Variants in DNAH3 observed in about 807,000 individuals in gnomAD.
The protein encoded by DNAH3 is axonemal beta dynein heavy chain 3.
In DNAH3, 332 loss-of-function variants were observed where a neutral mutation model predicts 432.5. The observed-to-expected ratio is 0.77, with a 90% CI of 0.70 to 0.84. The LOEUF (loss-of-function observed/expected upper bound fraction) is 0.84, where lower values mean the gene tolerates loss of function less well. Ranked by LOEUF, DNAH3 falls within the 40% of genes least tolerant of loss-of-function variation. DNAH3 has a pLI of 0.00. For missense variants in DNAH3, 4,861 were observed against 5,114.0 expected, an observed-to-expected ratio of 0.95 and a Z score of 1.51; for synonymous variants, 1,956 against 1,900.2, an observed-to-expected ratio of 1.03 and a Z score of -0.76.
chr16:21,104,810 C>T (rs1218484444), intron 15 of DNAH3, among the ~76,000 whole-genome samples: 2 of 152,166 alleles, frequency 1.3e-5, no homozygotes, highest in Non-Finnish European at 2.9e-5. Flanking sequence ...ATGGCAAACA[C>T]AGCCATTGAG....
chr16:21,125,394 T>G (rs757508280), intron 8 of DNAH3, 24 bp from the exon 10 acceptor site: 1 of 1,548,064 alleles, frequency 6.5e-7, no homozygotes, highest in East Asian at 2.3e-5. Context: ...AGGGTGTCCA[T>G]GTGAGAAGCT....
intron 3 of DNAH3, among the ~76,000 whole-genome samples, chr16:21,144,789 CA>C (rs1167764778): frequency 2.0e-5 from 3 of 152,014 alleles, no homozygotes; most frequent in Non-Finnish European, 4.4e-5. Context: ...TTAGCTTCAG[CA>C]AAAGGGGAGC....
rs111844089 is a variant in DNAH3, at chr16:20,988,609, G to A, written c.6602-544C>T. Among the ~76,000 whole-genome samples the A allele has an allele frequency of 2.0e-3, 310 of 152,266 alleles. 2 individuals are homozygous for A. Among genetic ancestry groups the A allele is most frequent in the African/African-American group, 6.8e-3 (281 of 41,564 alleles). On this transcript the variant is annotated intron_variant, in intron 44 of 61. Coordinates refer to ENST00000261383, the Ensembl canonical transcript of DNAH3. Reference sequence around the variant, plus strand: ...CATGAGACACCGCGCCCAGCCTCAAGAATGTTTTTAAAAGATAAAGGCAAT... The same window carrying A: ...CATGAGACACCGCGCCCAGCCTCAAAAATGTTTTTAAAAGATAAAGGCAAT...
chr16:21,031,388 T>G (rs559811390), intron 36 of DNAH3, 102 bp from the exon 37 acceptor site: 1 of 1,434,696 alleles, frequency 7.0e-7, no homozygotes, highest in South Asian at 1.3e-5. Context: ...TTTATAAATA[T>G]GCCATATGAG....
intron 18 of DNAH3, 98 bp downstream of exon 18, chr16:21,097,257 C>T: frequency 7.1e-7 from 1 of 1,408,686 alleles, no homozygotes; most frequent in Admixed American, 1.9e-5. Flanking sequence ...GATTAAAAGT[C>T]CAGCCAGATT....
intron 44 of DNAH3, among the ~76,000 whole-genome samples, chr16:20,988,437 T>C (rs115278485): frequency 0.014 from 2,059 of 152,204 alleles, 36 homozygotes; most frequent in African/African-American, 0.047. Context: ...CTTTTTGAGA[T>C]GGAGTTCCCC....
Position 21,039,952 on chromosome 16 carries a change from G to C in DNAH3, c.4639-9C>G, listed in dbSNP as rs750672561. 1.9e-6 allele frequency: 3 copies of C among 1,610,286 alleles called. No homozygotes were observed. The highest frequency in any genetic ancestry group is 2.2e-5 in the East Asian group (1 of 44,870). On this transcript the variant is annotated splice_polypyrimidine_tract_variant and intron_variant, in intron 32 of 61. Transcript: ENST00000261383. Reference sequence around the variant, plus strand: ...ACTGTCCGGAACAAGGCCTGGAAAAGAAACAACAAATCAGAATCGGAACAC... The same window carrying C: ...ACTGTCCGGAACAAGGCCTGGAAAACAAACAACAAATCAGAATCGGAACAC...
intron 47 of DNAH3, 47 bp downstream of exon 47, chr16:20,987,258 C>T (rs1381202875): frequency 1.2e-6 from 2 of 1,605,930 alleles, no homozygotes; most frequent in Non-Finnish European, 1.7e-6. Flanking sequence ...CGTGGTTAAA[C>T]ACTTGGAACC....
chr16:21,121,761 G>A (rs1348748446), intron 10 of DNAH3, among the ~76,000 whole-genome samples, 184 bp downstream of exon 11: 7 of 152,072 alleles, frequency 4.6e-5, no homozygotes, highest in Non-Finnish European at 8.8e-5. Flanking sequence ...TCTGGGCTGC[G>A]TGAATATTTC....
chr16:21,086,440 C>T lies in DNAH3; in HGVS notation c.2877+409G>A, dbSNP rs977858402. ...GAATCATCTGGTATTATTAGCAACC[C>T]CCAGGGAGAGATGTGACTTTCTTTT... On this transcript the variant is annotated intron_variant, in intron 19 of 61. Transcript: ENST00000261383. Among the ~76,000 whole-genome samples the T allele has an allele frequency of 4.6e-5, 7 of 152,168 alleles. No individual in the cohort carries two copies. In the South Asian group the frequency reaches 8.3e-4, roughly 18 times the overall value.
intron 57 of DNAH3, 59 bp from the exon 58 acceptor site, chr16:20,944,722 C>A (rs2083967213): frequency 1.3e-6 from 2 of 1,560,568 alleles, no homozygotes; most frequent in Admixed American, 3.5e-5. Flanking sequence ...ACAGATGACT[C>A]CAGGCTTAGC....
At chr16:20,939,650 A>C (rs762387014) in intron 59 of DNAH3, among the ~76,000 whole-genome samples, 7 of 151,392 alleles carry the variant, frequency 4.6e-5, no homozygotes, top group Non-Finnish European at 1.0e-4. Flanking sequence ...AAATTCAGGA[A>C]GCCTAACAAC....
chr16:21,076,460 A>G (rs1178807961), intron 20 of DNAH3, among the ~76,000 whole-genome samples: 3 of 152,204 alleles, frequency 2.0e-5, no homozygotes, highest in Non-Finnish European at 4.4e-5. Context: ...AGCCTGTTCA[A>G]CAAAAATTAT....
intron 11 of DNAH3, among the ~76,000 whole-genome samples, chr16:21,118,619 T>C (rs560660836): frequency 6.9e-4 from 105 of 152,298 alleles, no homozygotes; most frequent in African/African-American, 2.4e-3. Context: ...ATTTATATTT[T>C]TGTACAGACA....
chr16:21,089,346 C>G (rs1227005159), intron 18 of DNAH3, among the ~76,000 whole-genome samples: 1 of 152,186 alleles, frequency 6.6e-6, no homozygotes, highest in African/African-American at 2.4e-5. Context: ...CCTGCCAAAG[C>G]TGACTTTTAA....
chr16:20,960,225 T>C (rs983030639), intron 53 of DNAH3, among the ~76,000 whole-genome samples: 2 of 152,208 alleles, frequency 1.3e-5, no homozygotes, highest in Admixed American at 6.6e-5. Context: ...CATGGATACA[T>C]AGTATATCAC....
At chr16:21,068,330 G>A (rs561773767) in intron 23 of DNAH3, among the ~76,000 whole-genome samples, 7 of 135,390 alleles carry the variant, frequency 5.2e-5, no homozygotes, top group Admixed American at 7.6e-5. Flanking sequence ...TTGGGTGGGG[G>A]GGGGGACAGA....
chr16:21,106,618 G>C (rs1387149554), exon 15 of DNAH3: 13 of 1,609,118 alleles, frequency 8.1e-6, no homozygotes, highest in South Asian at 4.4e-5. Context: ...CAGCTCCTTA[G>C]TGTTGGCAGG....
intron 44 of DNAH3, among the ~76,000 whole-genome samples, chr16:20,988,613 G>A (rs1356830539): frequency 6.6e-6 from 1 of 152,136 alleles, no homozygotes; most frequent in Admixed American, 6.6e-5. Flanking sequence ...CCTCAAGAAT[G>A]TTTTTAAAAG....
Sources: allele counts gnomAD v4.1 joint callset (sites outside exome capture counted in the v4.1 genomes callset), GRCh38; gene constraint gnomAD v4.1.1; transcripts MANE v1.5; gene names NCBI Gene and HGNC (gene_info 2026-07-23, HGNC 2026-07-21).